Variants in DOCK7 observed in about 807,000 individuals in gnomAD.
The protein encoded by DOCK7 is dedicator of cytokinesis 7.
A neutral mutation model predicts 271.0 loss-of-function variants in DOCK7; 138 were observed. The ratio of observed to expected loss-of-function variants is 0.51; its 90% confidence interval spans 0.44 to 0.59. DOCK7 has a LOEUF of 0.59. Ranked by LOEUF, DOCK7 falls within the 20% of genes least tolerant of loss-of-function variation. The probability of loss-of-function intolerance (pLI) is 0.00; values close to 1 mark genes in which losing one functional copy is unlikely to be tolerated. For missense variants in DOCK7, 2,066 were observed against 2,592.4 expected, an observed-to-expected ratio of 0.80 and a Z score of 4.41; for synonymous variants, 823 against 876.1, an observed-to-expected ratio of 0.94 and a Z score of 1.07.
At chr1:62,631,676 T>C (rs1189546811) in intron 10 of DOCK7, among the ~76,000 whole-genome samples, 1 of 152,184 alleles carries the variant, frequency 6.6e-6, no homozygotes, top group African/African-American at 2.4e-5. Context: ...GTACCAAACA[T>C]GTATTATGTA....
intron 11 of DOCK7, among the ~76,000 whole-genome samples, chr1:62,627,170 C>T (rs1332399215): frequency 1.3e-5 from 2 of 152,194 alleles, no homozygotes; most frequent in East Asian, 3.9e-4. Flanking sequence ...AAGTATTTTA[C>T]AAAATCTAAC....
chr1:62,647,200 T>C (rs902277281), intron 7 of DOCK7, among the ~76,000 whole-genome samples: 1 of 152,198 alleles, frequency 6.6e-6, no homozygotes, highest in Admixed American at 6.5e-5. Flanking sequence ...AGAAAGCACT[T>C]TGTAAAGCAG....
intron 31 of DOCK7, among the ~76,000 whole-genome samples, chr1:62,519,006 T>TACACAC (rs61224578): frequency 0.017 from 2,488 of 148,110 alleles, 31 homozygotes; most frequent in South Asian, 0.044. Context: ...AGTCATGCTA[T>TACACAC]ACACACACAC....
At chr1:62,646,860 G>C (rs535230768) in intron 7 of DOCK7, among the ~76,000 whole-genome samples, 1 of 152,262 alleles carries the variant, frequency 6.6e-6, no homozygotes, top group Non-Finnish European at 1.5e-5. Flanking sequence ...CCACTAACTT[G>C]TATACTTTAA....
At chr1:62,533,836 T>G (rs151073521) in intron 29 of DOCK7, among the ~76,000 whole-genome samples, 2 of 152,274 alleles carry the variant, frequency 1.3e-5, no homozygotes, top group African/African-American at 4.8e-5. Context: ...TGTAAAAACC[T>G]ATTTAAAGTA....
Position 62,619,882 on chromosome 1 carries a change from C to A in DOCK7, c.1519+18G>T. 6.5e-7 allele frequency: 1 copy of A among 1,549,598 alleles called. No homozygotes were observed. Among genetic ancestry groups the A allele is most frequent in the Non-Finnish European group, 8.9e-7 (1 of 1,127,518 alleles). On this transcript the variant is annotated intron_variant, in intron 13 of 49. Transcript: ENST00000635253. ...ATAATAATAGTTGCAACCATTTCTACTCAAAATTTTTAAATACCTGTAATA... is the reference window on the plus strand; with the variant it reads ...ATAATAATAGTTGCAACCATTTCTAATCAAAATTTTTAAATACCTGTAATA...
intron 1 of DOCK7, among the ~76,000 whole-genome samples, chr1:62,680,336 T>C (rs1054092541): frequency 6.6e-6 from 1 of 152,184 alleles, no homozygotes; most frequent in Non-Finnish European, 1.5e-5. Context: ...GCTAGCCATA[T>C]GTAGAAAGCT....
At chr1:62,457,387 A>G in intron 49 of DOCK7, 151 bp downstream of exon 49, 1 of 712,274 alleles carries the variant, frequency 1.4e-6, no homozygotes. Flanking sequence ...CAGTAAGTGT[A>G]ACACGAATAT....
In DOCK7 at chr1:62,454,963, T is replaced by A; in HGVS notation, c.*451A>T. On this transcript the variant is annotated 3_prime_UTR_variant, in exon 50 of 50. Coordinates refer to ENST00000635253, the MANE Select transcript of DOCK7 (RefSeq NM_001367561.1). ...GTTCTTGAGTCAACCCTTTAATTGT[T>A]CTCTGCCATTGTCAATAATAAAAAT... 2.9e-6 allele frequency: 1 copy of A among 350,534 alleles called. No individual in the cohort carries two copies. The highest frequency in any genetic ancestry group is 5.1e-6 in the Non-Finnish European group (1 of 196,140). 21.7% of individuals were successfully genotyped at this position (350,534 alleles called of 1,614,324 possible).
At chr1:62,633,399 T>C (rs1654866898) in intron 10 of DOCK7, 99 bp downstream of exon 10, 1 of 880,052 alleles carries the variant, frequency 1.1e-6, no homozygotes, top group Non-Finnish European at 1.8e-6. Flanking sequence ...ATATTAAAGC[T>C]ATTAATTGCT....
At chr1:62,479,827 A>G (rs1646069406) in intron 43 of DOCK7, 1 of 191,680 alleles carries the variant, frequency 5.2e-6, no homozygotes, top group African/African-American at 2.3e-5. Flanking sequence ...AGGACTACAG[A>G]AGCATGCCAC....
At chr1:62,605,119 A>G (rs938051593) in intron 14 of DOCK7, 6 of 252,558 alleles carry the variant, frequency 2.4e-5, no homozygotes, top group Non-Finnish European at 3.8e-5. Flanking sequence ...ACTTTTCTAA[A>G]TAAAAAATTT....
chr1:62,544,547 G>A (rs1259044516), intron 23 of DOCK7, among the ~76,000 whole-genome samples: 1 of 152,130 alleles, frequency 6.6e-6, no homozygotes, highest in Admixed American at 6.6e-5. Flanking sequence ...AATGTTAAAT[G>A]AAAATGATAC....
chr1:62,484,791 T>C (rs1478207163), intron 43 of DOCK7: 1 of 152,188 alleles, frequency 6.6e-6, no homozygotes, highest in African/African-American at 2.4e-5. Context: ...AAATTTAACA[T>C]TTCTCTTTCT....
intron 1 of DOCK7, among the ~76,000 whole-genome samples, chr1:62,684,360 AT>A (rs1661500320): frequency 6.6e-6 from 1 of 152,210 alleles, no homozygotes; most frequent in African/African-American, 2.4e-5. Flanking sequence ...AGTGGCTAAC[AT>A]TTTTGAATGC....
Position 62,513,884 on chromosome 1 carries a change from G to A in DOCK7, c.3951C>T (p.His1317=), listed in dbSNP as rs1292586784. The change falls in exon 32 of 50, where the codon CAC becomes CAT. Residue 1317 remains histidine, a synonymous_variant. Transcript: ENST00000635253. ...FLLTSTSGRQ[H]TTFSAESSRS... is the part of the protein sequence containing the mutation. ...GACTTGATTCTGCTGAAAAGGTAGT[G>A]TGTTGCCTGCCACTCTGAAAATAAA... is the stretch of plus-strand genomic sequence containing the variant. The A allele has an allele frequency of 3.1e-6, 5 of 1,612,790 alleles. No individual in the cohort carries two copies. In the African/African-American group the frequency reaches 4.0e-5, roughly 13 times the overall value.
chr1:62,631,430 A>T, intron 10 of DOCK7, 25 bp from the exon 11 acceptor site: 1 of 1,548,136 alleles, frequency 6.5e-7, no homozygotes, highest in Non-Finnish European at 8.7e-7. Flanking sequence ...TTTATACATT[A>T]TATGATTATA....
chr1:62,526,862 C>T lies in DOCK7; in HGVS notation c.3936+1289G>A, dbSNP rs550127820. Among the ~76,000 whole-genome samples the T allele has an allele frequency of 2.0e-5, 3 of 152,154 alleles. No homozygotes were observed. The East Asian group carries it at 5.8e-4, about 29-fold the overall frequency. The stretch of plus-strand genomic sequence containing the variant: ...AAATAATTTCATTTATATAAAATGT[C>T]CAGAATAGGCAATTCTATAGATAGA... On this transcript the variant is annotated intron_variant, in intron 31 of 49. Coordinates refer to ENST00000635253, the MANE Select transcript of DOCK7 (RefSeq NM_001367561.1).
At position 62,543,462 on chromosome 1, in the gene DOCK7, T is replaced by C. The variant is rs538092929; in HGVS notation, c.2949+194A>G. 4 of 407,624 alleles carry C rather than the reference T, an allele frequency of 9.8e-6. No individual in the cohort carries two copies. In the East Asian group the frequency reaches 1.0e-4, roughly 11 times the overall value. 25.3% of individuals were successfully genotyped at this position (407,624 alleles called of 1,614,324 possible). The stretch of plus-strand genomic sequence containing the variant: ...GTCAATCCCAAAGATATAAACATTA[T>C]CATAATGTAAAAAAGTATACATTGA... On this transcript the variant is annotated intron_variant, in intron 24 of 49. Coordinates refer to ENST00000635253, the MANE Select transcript of DOCK7 (RefSeq NM_001367561.1).
Sources: gnomAD v4.1 joint callset for allele counts (sites outside exome capture counted in the v4.1 genomes callset) on GRCh38, gnomAD v4.1.1 for gene constraint, MANE v1.5 for transcripts, NCBI Gene and HGNC (gene_info 2026-07-23, HGNC 2026-07-21) for gene names.